Variants in SPATS2L observed in about 807,000 individuals in gnomAD.
SPATS2L encodes the protein SPATS2-like protein.
A neutral mutation model predicts 59.6 loss-of-function variants in SPATS2L; 30 were observed. The observed-to-expected ratio is 0.50, with a 90% CI of 0.38 to 0.68. SPATS2L has a LOEUF of 0.68. SPATS2L is among the 30% of genes least tolerant of loss of function. SPATS2L has a pLI of 0.00. For missense variants in SPATS2L, 615 were observed against 700.0 expected (o/e 0.88, Z 1.37); for synonymous variants, 252 against 263.5 (o/e 0.96, Z 0.42).
At chr2:200,315,216 A>G (rs568448175) in intron 1 of SPATS2L, among the ~76,000 whole-genome samples, 1 of 152,208 alleles carries the variant, frequency 6.6e-6, no homozygotes, top group African/African-American at 2.4e-5. Flanking sequence ...GTCCAGAGGT[A>G]TGAAATGTTT....
chr2:200,310,046 T>A (rs1278460208), intron 1 of SPATS2L, among the ~76,000 whole-genome samples: 1 of 152,222 alleles, frequency 6.6e-6, no homozygotes, highest in Admixed American at 6.5e-5. Context: ...GATAAAAAAA[T>A]TTTAAATGTG....
At chr2:200,339,701 A>G (rs933622091) in intron 2 of SPATS2L, among the ~76,000 whole-genome samples, 2 of 152,232 alleles carry the variant, frequency 1.3e-5, no homozygotes. Context: ...ACTTTTAGAA[A>G]TAATACAAGG....
chr2:200,453,034 A>T (rs1226498465), intron 8 of SPATS2L, among the ~76,000 whole-genome samples: 1 of 152,220 alleles, frequency 6.6e-6, no homozygotes, highest in Non-Finnish European at 1.5e-5. Context: ...ACAAATAGCC[A>T]AGGACTGGGT....
chr2:200,445,353 C>G (rs1282080034), intron 8 of SPATS2L, among the ~76,000 whole-genome samples: 2 of 152,158 alleles, frequency 1.3e-5, no homozygotes, highest in Non-Finnish European at 2.9e-5. Flanking sequence ...GACTTTTAGG[C>G]AGAAGAAAAA....
At chr2:200,425,084 T>G (rs1030560224) in intron 6 of SPATS2L, among the ~76,000 whole-genome samples, 7 of 140,706 alleles carry the variant, frequency 5.0e-5, no homozygotes, top group Admixed American at 7.5e-5. Context: ...CTGAACCAAA[T>G]GTGAGAGAAA....
intron 2 of SPATS2L, among the ~76,000 whole-genome samples, chr2:200,356,767 G>A (rs1574481554): frequency 6.6e-6 from 1 of 152,160 alleles, no homozygotes; most frequent in Admixed American, 6.6e-5. Context: ...GTGAACAGAA[G>A]TTTATTTGGC....
At chr2:200,397,219 A>G (rs892473147) in intron 3 of SPATS2L, among the ~76,000 whole-genome samples, 3 of 152,204 alleles carry the variant, frequency 2.0e-5, no homozygotes, top group Non-Finnish European at 4.4e-5. Flanking sequence ...TATATAAGAT[A>G]GATGGTTAAT....
intron 2 of SPATS2L, among the ~76,000 whole-genome samples, chr2:200,371,292 T>G (rs2081418455): frequency 6.6e-6 from 1 of 152,126 alleles, no homozygotes; most frequent in Non-Finnish European, 1.5e-5. Context: ...ATCCTTTGAT[T>G]CTATGAACAA....
chr2:200,317,124 T>C (rs964942100), intron 1 of SPATS2L, among the ~76,000 whole-genome samples: 4 of 152,240 alleles, frequency 2.6e-5, no homozygotes, highest in Admixed American at 2.0e-4. Flanking sequence ...ACTTCAAATA[T>C]CAAGTTTCTC....
Position 200,477,753 on chromosome 2 carries a change from A to T in SPATS2L, c.1399A>T (p.Ser467Cys). ...AGCCGAGCCACTGGGAAAGGGCAAC[A>T]GCCGCCACGAACACAGAAGACAGCC... ...NEAEPLGKGN[S>C]RHEHRRQPHN... Residue 467 changes from serine to cysteine, a missense_variant, in exon 13 of 13, where the codon AGC becomes TGC. Transcript: ENST00000409140. The T allele has an allele frequency of 6.3e-7, 1 of 1,578,696 alleles. No individual in the cohort carries two copies. Among genetic ancestry groups the T allele is most frequent in the Admixed American group, 1.8e-5 (1 of 54,382 alleles).
intron 1 of SPATS2L, among the ~76,000 whole-genome samples, chr2:200,314,067 C>T (rs2105752202): frequency 6.6e-6 from 1 of 152,342 alleles, no homozygotes; most frequent in African/African-American, 2.4e-5. Context: ...CTGTTTTCTT[C>T]TACTACCACC....
intron 2 of SPATS2L, among the ~76,000 whole-genome samples, chr2:200,373,431 A>G (rs925680310): frequency 6.6e-6 from 1 of 152,248 alleles, no homozygotes; most frequent in African/African-American, 2.4e-5. Context: ...TGAAACCAAG[A>G]CTTAAAGACT....
Position 200,307,630 on chromosome 2 carries a change from A to G in SPATS2L, c.-73+708A>G, listed in dbSNP as rs572612138. Among the ~76,000 whole-genome samples, 74 of 152,326 alleles carry G rather than the reference A, an allele frequency of 4.9e-4. 1 individual carries two copies. Among genetic ancestry groups the G allele is most frequent in the South Asian group, 8.3e-4 (4 of 4,830 alleles). On this transcript the variant is annotated intron_variant, in intron 1 of 12. Coordinates refer to ENST00000409140, the MANE Select transcript of SPATS2L (RefSeq NM_001100423.2). ...CCCCAGCGGGAGACGGGGTTGTCGTAGGATGCGCTCGCGCTGGACGCCGGC... is the reference window on the plus strand; with the variant it reads ...CCCCAGCGGGAGACGGGGTTGTCGTGGGATGCGCTCGCGCTGGACGCCGGC...
intron 8 of SPATS2L, among the ~76,000 whole-genome samples, chr2:200,457,730 T>C (rs973929402): frequency 6.6e-6 from 1 of 152,256 alleles, no homozygotes; most frequent in Non-Finnish European, 1.5e-5. Flanking sequence ...TAGGATTTCC[T>C]GGTTGGGAAG....
intron 2 of SPATS2L, among the ~76,000 whole-genome samples, chr2:200,372,651 A>G (rs1381583416): frequency 1.3e-5 from 2 of 152,188 alleles, no homozygotes; most frequent in Non-Finnish European, 2.9e-5. Context: ...TTTTTAAGCT[A>G]CATATTCCCT....
At chr2:200,411,748 T>C (rs576848959) in intron 3 of SPATS2L, among the ~76,000 whole-genome samples, 13 of 152,338 alleles carry the variant, frequency 8.5e-5, no homozygotes, top group African/African-American at 3.1e-4. Flanking sequence ...CAGAAGTGTG[T>C]TCACAAACAT....
chr2:200,337,051 G>A (rs2105810250), intron 2 of SPATS2L, among the ~76,000 whole-genome samples: 1 of 152,260 alleles, frequency 6.6e-6, no homozygotes, highest in Middle Eastern at 3.4e-3. Context: ...GAGTTATAAT[G>A]TAATCTATAG....
chr2:200,327,309 C>T lies in SPATS2L; in HGVS notation c.-72-2122C>T, dbSNP rs1024555415. Among the ~76,000 whole-genome samples, 4 of 152,012 alleles carry T rather than the reference C, an allele frequency of 2.6e-5. No individual in the cohort carries two copies. In the East Asian group the frequency reaches 7.8e-4, roughly 30 times the overall value. On this transcript the variant is annotated intron_variant, in intron 1 of 12. Coordinates refer to ENST00000409140, the MANE Select transcript of SPATS2L (RefSeq NM_001100423.2). ...ATCCCAGCTACTTGAGAGGCCAAGG[C>T]AGGAGAATCACTTGAACCTGGGAGG...
intron 8 of SPATS2L, among the ~76,000 whole-genome samples, chr2:200,441,196 C>T (rs995099334): frequency 2.6e-5 from 4 of 152,148 alleles, no homozygotes; most frequent in African/African-American, 9.7e-5. Flanking sequence ...AGAAACATCT[C>T]ACATAAGCTT....
Sources: gnomAD v4.1 joint callset for allele counts (sites outside exome capture counted in the v4.1 genomes callset) on GRCh38, gnomAD v4.1.1 for gene constraint, MANE v1.5 for transcripts, NCBI Gene and HGNC (gene_info 2026-07-23, HGNC 2026-07-21) for gene names.